TENM3: variants seen among roughly 807,000 people sequenced by gnomAD.
TENM3 encodes the protein teneurin-3.
A neutral mutation model predicts 255.1 loss-of-function variants in TENM3; 63 were observed. That is an observed-to-expected ratio of 0.25 (90% CI 0.20 to 0.30). The LOEUF (loss-of-function observed/expected upper bound fraction) is 0.30, where lower values mean the gene tolerates loss of function less well. Ranked by LOEUF, TENM3 falls within the 10% of genes least tolerant of loss-of-function variation. The pLI is 1.00. For missense variants in TENM3, 2,929 were observed against 3,461.1 expected (o/e 0.85, Z 3.86); for synonymous variants, 1,306 against 1,322.3 (o/e 0.99, Z 0.27).
chr4:181,833,286 T>C, the TENM3 span, among the ~76,000 whole-genome samples: 762 of 152,192 alleles, frequency 5.0e-3, 5 homozygotes, highest in African/African-American at 0.017. Context: ...ATTCCAGCTG[T>C]CAAATCTCTA....
chr4:181,604,204 G>A, the TENM3 span, among the ~76,000 whole-genome samples: 1 of 152,164 alleles, frequency 6.6e-6, no homozygotes, highest in Non-Finnish European at 1.5e-5. Context: ...GGCGGAGCTT[G>A]CAGTGAGCCG....
At chr4:182,366,402 CCTTA>C (rs1414877882) in intron 3 of TENM3, among the ~76,000 whole-genome samples, 4 of 151,582 alleles carry the variant, frequency 2.6e-5, no homozygotes, top group Non-Finnish European at 4.4e-5. Flanking sequence ...ATGTCTACAT[CCTTA>C]CTTAAGTACA....
chr4:182,608,279 G>A (rs1748623644), intron 4 of TENM3, among the ~76,000 whole-genome samples: 1 of 151,568 alleles, frequency 6.6e-6, no homozygotes, highest in South Asian at 2.1e-4. Flanking sequence ...TTTGAGACGG[G>A]GCCTTGCTCT....
At chr4:182,188,077 CAAT>C in intron 1 of TENM3, among the ~76,000 whole-genome samples, 1 of 151,872 alleles carries the variant, frequency 6.6e-6, no homozygotes, top group Non-Finnish European at 1.5e-5. Context: ...TTGAAGGTCT[CAAT>C]AATTTGGAGG....
At chr4:181,826,177 T>G in the TENM3 span, among the ~76,000 whole-genome samples, 1 of 152,194 alleles carries the variant, frequency 6.6e-6, no homozygotes, top group South Asian at 2.1e-4. Flanking sequence ...GTAATAAAAT[T>G]TCCATAAGAA....
chr4:182,433,662 G>C (rs531280152), intron 3 of TENM3, among the ~76,000 whole-genome samples: 44 of 152,330 alleles, frequency 2.9e-4, no homozygotes, highest in Non-Finnish European at 5.0e-4. Flanking sequence ...TTACTCTCAA[G>C]TCAGTAGCAT....
At chr4:181,892,659 T>C in the TENM3 span, among the ~76,000 whole-genome samples, 1 of 152,190 alleles carries the variant, frequency 6.6e-6, no homozygotes, top group Non-Finnish European at 1.5e-5. Context: ...GATTCACTCC[T>C]AGTCTTTTTT....
At chr4:182,587,269 C>T (rs750176659) in intron 3 of TENM3, among the ~76,000 whole-genome samples, 1 of 151,898 alleles carries the variant, frequency 6.6e-6, no homozygotes, top group East Asian at 1.9e-4. Context: ...CATTAATTTT[C>T]ACATTTTTTT....
chr4:181,484,202 A>G, the TENM3 span, among the ~76,000 whole-genome samples: 1 of 152,104 alleles, frequency 6.6e-6, no homozygotes, highest in African/African-American at 2.4e-5. Flanking sequence ...CAGCCATCAC[A>G]CTAAAGCAAC....
In TENM3 at chr4:182,790,130, A is replaced by G. The variant is rs139253335; in HGVS notation, c.5601+741A>G. On this transcript the variant is annotated intron_variant, in intron 25 of 27. Coordinates refer to ENST00000511685, the MANE Select transcript of TENM3 (RefSeq NM_001080477.4). ...CCATGTAATTCCTTTCTTAAGAAATATCCACCGAAAAGCATATTCATGGAA... is the reference window on the plus strand; with the variant it reads ...CCATGTAATTCCTTTCTTAAGAAATGTCCACCGAAAAGCATATTCATGGAA... Among the ~76,000 whole-genome samples the G allele has an allele frequency of 1.6e-4, 24 of 152,328 alleles. No homozygotes were observed. The South Asian group carries it at 1.7e-3, about 11-fold the overall frequency.
intron 3 of TENM3, among the ~76,000 whole-genome samples, chr4:182,389,125 T>A (rs1010015563): frequency 6.6e-6 from 1 of 152,202 alleles, no homozygotes; most frequent in Non-Finnish European, 1.5e-5. Context: ...TCTTTTCTTG[T>A]TTAAAATGAA....
chr4:182,577,913 A>G (rs1167596188), intron 3 of TENM3, among the ~76,000 whole-genome samples: 2 of 151,824 alleles, frequency 1.3e-5, no homozygotes, highest in Non-Finnish European at 2.9e-5. Context: ...GAGGATTCCC[A>G]TTTTTATTTT....
the TENM3 span, among the ~76,000 whole-genome samples, chr4:181,586,138 C>T: frequency 6.6e-6 from 1 of 152,206 alleles, no homozygotes; most frequent in Admixed American, 6.5e-5. Context: ...CTTCCTACCC[C>T]ACTCTGGCCA....
intron 3 of TENM3, among the ~76,000 whole-genome samples, chr4:182,355,947 GT>G (rs1765496753): frequency 6.6e-6 from 1 of 150,378 alleles, no homozygotes; most frequent in South Asian, 2.1e-4. Flanking sequence ...TAGATTTTGT[GT>G]AAAAATATTT....
At chr4:181,645,372 G>C in the TENM3 span, among the ~76,000 whole-genome samples, 1 of 152,180 alleles carries the variant, frequency 6.6e-6, no homozygotes, top group East Asian at 1.9e-4. Flanking sequence ...TGAGAGCCTG[G>C]GCAGGGGTCC....
the TENM3 span, among the ~76,000 whole-genome samples, chr4:181,476,751 A>T: frequency 2.6e-5 from 4 of 152,186 alleles, no homozygotes; most frequent in Non-Finnish European, 5.9e-5. Context: ...TGATGGCCAT[A>T]GTCAAGGTTT....
intron 5 of TENM3, among the ~76,000 whole-genome samples, chr4:182,644,962 A>G (rs1178824861): frequency 2.6e-5 from 4 of 152,050 alleles, no homozygotes; most frequent in African/African-American, 9.7e-5. Flanking sequence ...GGGTGATAGT[A>G]TAAAAAGTAT....
At chr4:182,718,625 A>G (rs558890011) in intron 13 of TENM3, among the ~76,000 whole-genome samples, 91 of 152,294 alleles carry the variant, frequency 6.0e-4, no homozygotes, top group African/African-American at 2.2e-3. Flanking sequence ...ATGCTCATGG[A>G]CTGTCACTTT....
At chr4:182,663,912 A>G (rs1236671866) in intron 6 of TENM3, among the ~76,000 whole-genome samples, 1 of 152,186 alleles carries the variant, frequency 6.6e-6, no homozygotes, top group African/African-American at 2.4e-5. Flanking sequence ...GTAGGATGCC[A>G]AAAAAGACTT....
Sources: allele counts gnomAD v4.1 joint callset (sites outside exome capture counted in the v4.1 genomes callset), GRCh38; gene constraint gnomAD v4.1.1; transcripts MANE v1.5; gene names NCBI Gene and HGNC (gene_info 2026-07-23, HGNC 2026-07-21).